Variants in LRRC4C observed in about 807,000 individuals in gnomAD.
LRRC4C encodes leucine rich repeat containing 4C.
In LRRC4C, 5 loss-of-function variants were observed where a neutral mutation model predicts 33.6. That is an observed-to-expected ratio of 0.15 (90% confidence interval 0.08 to 0.31). The LOEUF is 0.31. Ranked by LOEUF, LRRC4C falls within the 10% of genes least tolerant of loss-of-function variation. The pLI is 1.00. For missense variants in LRRC4C, 560 were observed against 796.7 expected (o/e 0.70, Z 3.58); for synonymous variants, 329 against 302.0 (o/e 1.09, Z -0.93).
At chr11:40,819,453 C>T (rs560666570) in intron 2 of LRRC4C, among the ~76,000 whole-genome samples, 1 of 152,270 alleles carries the variant, frequency 6.6e-6, no homozygotes, top group African/African-American at 2.4e-5. Flanking sequence ...AGAGTAAAGC[C>T]AGGAGGACTG....
intron 3 of LRRC4C, among the ~76,000 whole-genome samples, chr11:40,504,625 T>A (rs1954942869): frequency 6.6e-6 from 1 of 152,182 alleles, no homozygotes. Flanking sequence ...GAAGAAGATG[T>A]TTTCTTAGGA....
At chr11:41,151,284 G>A (rs1943987977) in intron 1 of LRRC4C, among the ~76,000 whole-genome samples, 1 of 152,156 alleles carries the variant, frequency 6.6e-6, no homozygotes, top group South Asian at 2.1e-4. Context: ...TACTAATGCA[G>A]AATCCTTATT....
intron 2 of LRRC4C, among the ~76,000 whole-genome samples, chr11:40,706,268 T>C (rs1050506501): frequency 6.6e-6 from 1 of 152,176 alleles, no homozygotes; most frequent in South Asian, 2.1e-4. Flanking sequence ...GGTGTTATAG[T>C]CATGAAGTCC....
chr11:40,839,434 T>C (rs1485240254), intron 2 of LRRC4C, among the ~76,000 whole-genome samples: 2 of 151,984 alleles, frequency 1.3e-5, no homozygotes, highest in African/African-American at 4.8e-5. Flanking sequence ...TTAGTAGAGA[T>C]GGGGTTTCAC....
intron 1 of LRRC4C, among the ~76,000 whole-genome samples, chr11:41,331,380 A>G (rs1459981075): frequency 6.6e-6 from 1 of 152,200 alleles, no homozygotes; most frequent in African/African-American, 2.4e-5. Context: ...AAGAAACCAC[A>G]CTTGGCATCT....
chr11:41,261,363 A>AT (rs1034969690), intron 1 of LRRC4C, among the ~76,000 whole-genome samples: 40 of 151,844 alleles, frequency 2.6e-4, no homozygotes, highest in Admixed American at 1.7e-3. Flanking sequence ...AGTATAAGGT[A>AT]TTTTTTTTGT....
intron 3 of LRRC4C, among the ~76,000 whole-genome samples, chr11:40,568,893 G>T (rs1384210945): frequency 6.6e-6 from 1 of 152,120 alleles, no homozygotes. Context: ...GTCTACCTTG[G>T]TTTCAAGGAT....
chr11:41,024,220 A>G (rs571871890), intron 1 of LRRC4C, among the ~76,000 whole-genome samples: 38 of 151,906 alleles, frequency 2.5e-4, no homozygotes, highest in South Asian at 4.1e-4. Context: ...CCAGTGGGCA[A>G]GAACAGGTAT....
At chr11:40,645,015 A>C (rs1942360782) in intron 3 of LRRC4C, among the ~76,000 whole-genome samples, 1 of 152,138 alleles carries the variant, frequency 6.6e-6, no homozygotes, top group African/African-American at 2.4e-5. Flanking sequence ...TTAAAAATTC[A>C]GTCATCAGCA....
chr11:41,252,327 G>A (rs1193687631), intron 1 of LRRC4C, among the ~76,000 whole-genome samples: 1 of 152,036 alleles, frequency 6.6e-6, no homozygotes, highest in Non-Finnish European at 1.5e-5. Flanking sequence ...ATCTTTCTTG[G>A]TTACATTTTG....
intron 2 of LRRC4C, among the ~76,000 whole-genome samples, chr11:40,806,792 A>T (rs1023396721): frequency 2.0e-5 from 3 of 152,200 alleles, no homozygotes; most frequent in Non-Finnish European, 4.4e-5. Flanking sequence ...AGAATCTATC[A>T]GTATTTCTCA....
At chr11:40,814,496 G>A (rs1591791699) in intron 2 of LRRC4C, among the ~76,000 whole-genome samples, 1 of 152,128 alleles carries the variant, frequency 6.6e-6, no homozygotes, top group East Asian at 1.9e-4. Context: ...CTGCTGCAAA[G>A]GTCTCTGACA....
intron 1 of LRRC4C, among the ~76,000 whole-genome samples, chr11:41,433,552 T>A (rs906690048): frequency 6.6e-6 from 1 of 152,106 alleles, no homozygotes; most frequent in African/African-American, 2.4e-5. Flanking sequence ...CCACCCTGAA[T>A]CTGGGTGGGC....
rs529745035 is a variant in LRRC4C, at chr11:40,502,178, C to T, written c.-270+145964G>A. On this transcript the variant is annotated intron_variant, in intron 3 of 6. Transcript: ENST00000528697. The stretch of plus-strand genomic sequence containing the variant: ...TGGACTTTATTGTCTGTATCATTAT[C>T]AGCATTTTGGTCAAAGCCATTCAAC... Among the ~76,000 whole-genome samples, 19 of 152,284 alleles carry T rather than the reference C, an allele frequency of 1.2e-4. No individual in the cohort carries two copies. The South Asian group carries it at 2.7e-3, about 22-fold the overall frequency.
At chr11:40,755,895 C>G (rs553141515) in intron 2 of LRRC4C, among the ~76,000 whole-genome samples, 2 of 152,178 alleles carry the variant, frequency 1.3e-5, no homozygotes, top group African/African-American at 2.4e-5. Flanking sequence ...CTGTTTTAGT[C>G]TGAACCCCCA....
intron 1 of LRRC4C, among the ~76,000 whole-genome samples, chr11:40,972,972 C>A (rs919837992): frequency 6.6e-6 from 1 of 152,074 alleles, no homozygotes; most frequent in African/African-American, 2.4e-5. Flanking sequence ...ACACCATCCC[C>A]CTTGGTGCTA....
chr11:40,950,099 C>T (rs9971604), intron 1 of LRRC4C, among the ~76,000 whole-genome samples: 27,076 of 151,744 alleles, frequency 0.18, 2,806 homozygotes, highest in East Asian at 0.3. Context: ...GAAATAAAAA[C>T]ATCTCTGGGT....
chr11:40,171,329 C>T (rs1383158189), intron 5 of LRRC4C, among the ~76,000 whole-genome samples: 1 of 152,078 alleles, frequency 6.6e-6, no homozygotes, highest in African/African-American at 2.4e-5. Flanking sequence ...CAGCATTAAA[C>T]TTGGCTTTAC....
intron 4 of LRRC4C, among the ~76,000 whole-genome samples, chr11:40,303,194 C>T (rs141738067): frequency 1.3e-5 from 2 of 151,886 alleles, no homozygotes; most frequent in South Asian, 4.2e-4. Context: ...TTGGAGGTTA[C>T]GAGGATCTAA....
Sources: allele counts gnomAD v4.1 joint callset (sites outside exome capture counted in the v4.1 genomes callset), GRCh38; gene constraint gnomAD v4.1.1; transcripts MANE v1.5; gene names NCBI Gene and HGNC (gene_info 2026-07-23, HGNC 2026-07-21).